RP1: variants seen among roughly 807,000 people sequenced by gnomAD.
RP1 encodes oxygen-regulated protein 1.
A neutral mutation model predicts 14.8 loss-of-function variants in RP1; 16 were observed. The observed-to-expected ratio is 1.08, with a 90% CI of 0.73 to 1.65. RP1 has a LOEUF of 1.65. Ranked by LOEUF, RP1 falls within the 40% of genes most tolerant of loss-of-function variation. The pLI is 0.00. For synonymous variants in RP1, 876 were observed against 883.6 expected (o/e 0.99, Z 0.15); for missense variants, 2,631 against 2,535.0 (o/e 1.04, Z -0.81).
At chr8:54,637,212 T>A (rs904154256) in intron 3 of RP1, among the ~76,000 whole-genome samples, 1 of 152,308 alleles carries the variant, frequency 6.6e-6, no homozygotes, top group Non-Finnish European at 1.5e-5. Flanking sequence ...TCATGAAATG[T>A]CAAAGTATGT....
chr8:54,679,588 C>G, intron 10 of RP1: 1 of 1,535,916 alleles, frequency 6.5e-7, no homozygotes, highest in Non-Finnish European at 8.7e-7. Context: ...CTCTCTTTAT[C>G]TTCTCAGGGC....
chr8:54,585,559 G>A (rs942406693), intron 1 of RP1, among the ~76,000 whole-genome samples: 2 of 152,246 alleles, frequency 1.3e-5, no homozygotes, highest in African/African-American at 2.4e-5. Flanking sequence ...GCTAGATTGG[G>A]GCAGTTCTCC....
intron 1 of RP1, among the ~76,000 whole-genome samples, chr8:54,600,687 G>C (rs529630761): frequency 1.3e-5 from 2 of 152,308 alleles, no homozygotes; most frequent in African/African-American, 4.8e-5. Context: ...TAAGAGTATG[G>C]TGAGGCCTGG....
chr8:54,821,836 A>G (rs1041804056), intron 24 of RP1, among the ~76,000 whole-genome samples: 3 of 152,194 alleles, frequency 2.0e-5, no homozygotes, highest in African/African-American at 7.2e-5. Flanking sequence ...AAAAAGAATC[A>G]GGGTACCTGG....
intron 25 of RP1, among the ~76,000 whole-genome samples, chr8:54,848,678 A>T (rs1811986648): frequency 1.3e-5 from 2 of 152,226 alleles, no homozygotes; most frequent in Non-Finnish European, 2.9e-5. Flanking sequence ...ACTTATAATG[A>T]ACATATTTAA....
At chr8:54,747,198 C>T (rs1250793007) in intron 19 of RP1, among the ~76,000 whole-genome samples, 1 of 152,136 alleles carries the variant, frequency 6.6e-6, no homozygotes, top group South Asian at 2.1e-4. Context: ...ATCCAGATTT[C>T]AAAGAGAAGC....
At chr8:54,713,041 C>A (rs1224616939) in intron 15 of RP1, among the ~76,000 whole-genome samples, 1 of 151,168 alleles carries the variant, frequency 6.6e-6, no homozygotes, top group East Asian at 1.9e-4. Flanking sequence ...CTTAAAAACC[C>A]AACAGTGCCT....
intron 19 of RP1, among the ~76,000 whole-genome samples, chr8:54,748,577 G>A (rs1444308889): frequency 1.3e-5 from 2 of 152,196 alleles, no homozygotes; most frequent in African/African-American, 4.8e-5. Context: ...AGGATATTTA[G>A]AGTCAAGCTT....
chr8:54,604,249 A>C (rs527954357), intron 1 of RP1, among the ~76,000 whole-genome samples: 1 of 152,068 alleles, frequency 6.6e-6, no homozygotes, highest in Non-Finnish European at 1.5e-5. Context: ...TAGCATGAAG[A>C]GTTGCTGAAT....
At chr8:54,588,301 G>A (rs1487159833) in intron 1 of RP1, among the ~76,000 whole-genome samples, 1 of 152,202 alleles carries the variant, frequency 6.6e-6, no homozygotes, top group Non-Finnish European at 1.5e-5. Context: ...ATATGGAAGG[G>A]AGTTGGGTGC....
At chr8:54,679,549 A>G (rs1244864569) in intron 10 of RP1, 1 of 1,535,834 alleles carries the variant, frequency 6.5e-7, no homozygotes, top group Non-Finnish European at 8.7e-7. Flanking sequence ...ATGACTGGAG[A>G]AAGCATGACA....
intron 24 of RP1, among the ~76,000 whole-genome samples, chr8:54,803,343 C>T (rs1810760062): frequency 6.6e-6 from 1 of 152,098 alleles, no homozygotes; most frequent in Non-Finnish European, 1.5e-5. Flanking sequence ...TTAGATGTCA[C>T]AGATGAACAC....
chr8:54,678,607 G>T, intron 9 of RP1: 3 of 1,274,996 alleles, frequency 2.4e-6, no homozygotes, highest in Non-Finnish European at 3.2e-6. Context: ...TTGAGAACTG[G>T]GTAACTTATT....
exon 9 of RP1, chr8:54,678,523 T>C: frequency 6.5e-7 from 1 of 1,533,958 alleles, no homozygotes. Context: ...CGAATATGCC[T>C]TCTTCTGTCA....
intron 27 of RP1, among the ~76,000 whole-genome samples, chr8:54,863,993 T>C (rs1163695427): frequency 6.6e-6 from 1 of 152,202 alleles, no homozygotes; most frequent in Non-Finnish European, 1.5e-5. Context: ...CATGTGACAG[T>C]TCATAACAAT....
intron 7 of RP1, among the ~76,000 whole-genome samples, chr8:54,670,695 ATATATATATAT>A (rs1807157675): frequency 1.4e-5 from 2 of 138,758 alleles, no homozygotes; most frequent in African/African-American, 5.3e-5. Flanking sequence ...ATATATATAT[ATATATATATAT>A]AAAACATTAA....
intron 1 of RP1, among the ~76,000 whole-genome samples, chr8:54,616,829 CAAGT>C (rs949834167): frequency 1.3e-5 from 2 of 152,116 alleles, no homozygotes; most frequent in Non-Finnish European, 1.5e-5. Context: ...CATGTTTTGT[CAAGT>C]GAGTGAGAGA....
At chr8:54,824,422 T>C (rs557982120) in intron 24 of RP1, among the ~76,000 whole-genome samples, 1 of 152,340 alleles carries the variant, frequency 6.6e-6, no homozygotes, top group Admixed American at 6.5e-5. Context: ...AATTTTTAAT[T>C]TAGAAACTCC....
chr8:54,769,744 G>A lies in RP1; in HGVS notation c.3252G>A (p.Trp1084Ter). The change falls in exon 23 of 23, where the codon TGG (tryptophan) becomes TGA (stop). Residue 1084 changes from tryptophan to a stop codon, truncating the protein, a stop_gained. Coordinates refer to the RP1 transcript ENST00000636932. LOFTEE classifies it high-confidence loss of function. ...CTCTCTCTCTCTTTTTCCTCAGATG[G>A]CTTCCTTTCATGTCTCAGGGCATAA... is the stretch of plus-strand genomic sequence containing the variant. 1 of 1,522,186 alleles carries A rather than the reference G, an allele frequency of 6.6e-7. No individual in the cohort carries two copies. The highest frequency in any genetic ancestry group is 1.2e-5 in the South Asian group (1 of 82,464). 94.3% of individuals were successfully genotyped at this position (1,522,186 alleles called of 1,614,324 possible).
Sources: allele counts gnomAD v4.1 joint callset (sites outside exome capture counted in the v4.1 genomes callset), GRCh38; gene constraint gnomAD v4.1.1; transcripts MANE v1.5; gene names NCBI Gene and HGNC (gene_info 2026-07-23, HGNC 2026-07-21).